The following RBBP5 variants were observed in gnomAD, a reference collection of about 807,000 sequenced individuals.
RBBP5 encodes the protein retinoblastoma-binding protein 5.
Under a neutral mutation model 72.2 loss-of-function variants are expected in RBBP5, and 5 were observed. The ratio of observed to expected loss-of-function variants is 0.07; its 90% CI spans 0.04 to 0.15. The LOEUF (loss-of-function observed/expected upper bound fraction) is 0.15, where lower values mean the gene tolerates loss of function less well. Among genes scored for constraint, RBBP5 ranks in the 10% least tolerant of loss-of-function variants. RBBP5 has a pLI of 1.00. For missense variants in RBBP5, 322 were observed against 652.2 expected, an observed-to-expected ratio of 0.49 and a Z score of 5.51; for synonymous variants, 209 against 237.2, an observed-to-expected ratio of 0.88 and a Z score of 1.09.
At chr1:205,114,731 A>G in intron 3 of RBBP5, 58 bp downstream of exon 3, 1 of 1,370,302 alleles carries the variant, frequency 7.3e-7, no homozygotes. Context: ...GAGATTTGCA[A>G]ATATATAGTC....
chr1:205,116,606 G>A (rs1345577735), intron 1 of RBBP5, among the ~76,000 whole-genome samples: 1 of 152,314 alleles, frequency 6.6e-6, no homozygotes, highest in East Asian at 1.9e-4. Context: ...GATCACAAGG[G>A]AGTTCAAGAC....
In RBBP5 at chr1:205,100,197, T is replaced by C; in HGVS notation, c.707A>G (p.Asp236Gly). The C allele has an allele frequency of 6.2e-7, 1 of 1,614,208 alleles. No homozygotes were observed. ...DGREILTCGR[D>G]GEPEPMQKLQ... Reference sequence around the variant, plus strand: ...TTTCTGCATAGGTTCAGGCTCTCCATCTCTTCCACATGTTAAGATTTCTCT... The same window carrying C: ...TTTCTGCATAGGTTCAGGCTCTCCACCTCTTCCACATGTTAAGATTTCTCT... Residue 236 changes from aspartate to glycine, a missense_variant, in exon 7 of 14, where the codon GAT becomes GGT. Physicochemically the swap from Asp to Gly is moderately conservative, Grantham distance 94. This residue lies in a region of RBBP5 where 161 missense variants were observed against 327.8 expected (regional missense o/e 0.49). Coordinates refer to ENST00000264515, the MANE Select transcript of RBBP5 (RefSeq NM_005057.4).
chr1:205,107,716 T>G (rs529627940), intron 3 of RBBP5, among the ~76,000 whole-genome samples: 1 of 151,216 alleles, frequency 6.6e-6, no homozygotes, highest in South Asian at 2.1e-4. Flanking sequence ...GAGGCCAAGG[T>G]AGGTGGATCA....
chr1:205,105,535 CA>C (rs900476173), intron 3 of RBBP5, among the ~76,000 whole-genome samples: 1 of 151,588 alleles, frequency 6.6e-6, no homozygotes, highest in African/African-American at 2.4e-5. Context: ...ATAAACAAAA[CA>C]AAAAAATGAT....
intron 12 of RBBP5, 34 bp from the exon 13 acceptor site, chr1:205,095,098 A>G (rs1391086908): frequency 3.1e-6 from 5 of 1,603,414 alleles, no homozygotes; most frequent in Non-Finnish European, 4.3e-6. Flanking sequence ...AGGAATCCAC[A>G]TGACACCAGT....
At chr1:205,089,531 G>A (rs768743489) in intron 13 of RBBP5, among the ~76,000 whole-genome samples, 7 of 152,200 alleles carry the variant, frequency 4.6e-5, no homozygotes, top group Non-Finnish European at 8.8e-5. Context: ...ATTTGGAATG[G>A]CAGAGAGCAT....
chr1:205,111,259 T>C (rs1656303880), intron 3 of RBBP5, among the ~76,000 whole-genome samples: 1 of 152,190 alleles, frequency 6.6e-6, no homozygotes, highest in South Asian at 2.1e-4. Context: ...CAGATGCTTA[T>C]TGGGACATTT....
At position 205,115,009 on chromosome 1, in the gene RBBP5, T is replaced by A. The variant is rs375828340; in HGVS notation, c.46-48A>T. ...GAATAGAGGCAACAATAGCCAGGTA[T>A]CCAAATTATTTCCTAAAGGTTCTTT... On this transcript the variant is annotated intron_variant, in intron 2 of 13. Coordinates refer to ENST00000264515, the MANE Select transcript of RBBP5 (RefSeq NM_005057.4). 10 of 1,472,924 alleles carry A rather than the reference T, an allele frequency of 6.8e-6. No individual in the cohort carries two copies. The East Asian group carries it at 7.3e-5, about 11-fold the overall frequency. 91.2% of individuals were successfully genotyped at this position (1,472,924 alleles called of 1,614,324 possible).
At chr1:205,109,042 G>C (rs563246577) in intron 3 of RBBP5, among the ~76,000 whole-genome samples, 1 of 152,278 alleles carries the variant, frequency 6.6e-6, no homozygotes, top group East Asian at 1.9e-4. Context: ...GAGGAAGGCA[G>C]GGGTAAGCTA....
chr1:205,104,278 T>A (rs557418992), intron 4 of RBBP5, among the ~76,000 whole-genome samples: 123 of 150,440 alleles, frequency 8.2e-4, no homozygotes, highest in African/African-American at 2.9e-3. Flanking sequence ...TCCCAGCACT[T>A]TGGGGAGGCT....
chr1:205,095,220 G>T (rs1655563995), intron 12 of RBBP5, among the ~76,000 whole-genome samples, 156 bp from the exon 13 acceptor site: 1 of 152,106 alleles, frequency 6.6e-6, no homozygotes, highest in Admixed American at 6.5e-5. Context: ...ATAAAACAGT[G>T]GTCATTAAAT....
intron 3 of RBBP5, among the ~76,000 whole-genome samples, chr1:205,112,681 GT>G (rs1656364057): frequency 6.6e-6 from 1 of 152,056 alleles, no homozygotes; most frequent in African/African-American, 2.4e-5. Context: ...ACAGAAAATG[GT>G]TAAGTAAATT....
intron 13 of RBBP5, among the ~76,000 whole-genome samples, chr1:205,089,536 G>A (rs1265441676): frequency 6.6e-6 from 1 of 152,202 alleles, no homozygotes; most frequent in Non-Finnish European, 1.5e-5. Flanking sequence ...GAATGGCAGA[G>A]AGCATGCCAC....
chr1:205,092,761 T>G (rs1001732766), intron 13 of RBBP5, among the ~76,000 whole-genome samples: 3 of 151,230 alleles, frequency 2.0e-5, no homozygotes, highest in African/African-American at 7.3e-5. Context: ...TGATTGGCTT[T>G]TACATAGATG....
At chr1:205,105,464 G>A (rs962949840) in intron 3 of RBBP5, among the ~76,000 whole-genome samples, 5 of 152,152 alleles carry the variant, frequency 3.3e-5, no homozygotes, top group Admixed American at 6.5e-5. Flanking sequence ...AATCAGCTGC[G>A]CTTTAAGAGT....
At chr1:205,106,103 C>CATAGAGAGAAGG (rs1316843903) in intron 3 of RBBP5, among the ~76,000 whole-genome samples, 1 of 152,140 alleles carries the variant, frequency 6.6e-6, no homozygotes, top group African/African-American at 2.4e-5. Flanking sequence ...AGAGAAGGAA[C>CATAGAGAGAAGG]AAGGAATTCC....
chr1:205,121,277 A>G (rs1440031910), intron 1 of RBBP5, among the ~76,000 whole-genome samples: 2 of 152,214 alleles, frequency 1.3e-5, no homozygotes, highest in Admixed American at 1.3e-4. Context: ...TTCACACCTC[A>G]GTGTTTTACA....
chr1:205,100,801 T>C (rs1485316592), intron 6 of RBBP5, among the ~76,000 whole-genome samples: 2 of 152,110 alleles, frequency 1.3e-5, no homozygotes, highest in Non-Finnish European at 2.9e-5. Context: ...GTCCCCAACA[T>C]TTTTGGCACC....
intron 1 of RBBP5, 46 bp downstream of exon 1, chr1:205,121,809 T>C: frequency 6.2e-7 from 1 of 1,611,750 alleles, no homozygotes; most frequent in Non-Finnish European, 8.5e-7. Context: ...TTCCCTCCTT[T>C]CCAGTACCCA....
Sources: allele counts gnomAD v4.1 joint callset (sites outside exome capture counted in the v4.1 genomes callset), GRCh38; gene constraint gnomAD v4.1.1; regional missense constraint gnomAD v4.1.1; transcripts MANE v1.5; gene names NCBI Gene and HGNC (gene_info 2026-07-23, HGNC 2026-07-21).